Variants in RANBP2 observed in about 807,000 individuals in gnomAD.
RANBP2 encodes the protein E3 SUMO-protein ligase RanBP2.
A neutral mutation model predicts 303.6 loss-of-function variants in RANBP2; 57 were observed. That is an observed-to-expected ratio of 0.19 (90% confidence interval 0.15 to 0.23). The LOEUF is 0.23. RANBP2 is among the 10% of genes least tolerant of loss of function. The probability of loss-of-function intolerance (pLI) is 1.00; values close to 1 mark genes in which losing one functional copy is unlikely to be tolerated. For missense variants in RANBP2, 3,138 were observed against 3,780.8 expected, an observed-to-expected ratio of 0.83 and a Z score of 4.46; for synonymous variants, 1,167 against 1,301.5, an observed-to-expected ratio of 0.90 and a Z score of 2.23.
At chr2:109,328,181 A>G in the RANBP2 span, among the ~76,000 whole-genome samples, 3 of 152,364 alleles carry the variant, frequency 2.0e-5, no homozygotes, top group East Asian at 5.8e-4. Context: ...GTTGCCTGAT[A>G]TTAGTCCATG....
At chr2:109,629,302 GATATATATATATATAT>G in the RANBP2 span, among the ~76,000 whole-genome samples, 337 of 77,600 alleles carry the variant, frequency 4.3e-3, 13 homozygotes, top group Middle Eastern at 7.9e-3. Context: ...CTGGCCTAAA[GATATATATATATATAT>G]ATATATATAT....
the RANBP2 span, chr2:109,552,866 C>T: frequency 2.0e-6 from 1 of 491,546 alleles, no homozygotes; most frequent in Non-Finnish European, 3.5e-6. Flanking sequence ...CGATTAGTGA[C>T]TCCATAAATG....
the RANBP2 span, among the ~76,000 whole-genome samples, chr2:109,640,993 G>C: frequency 4.0e-5 from 6 of 151,644 alleles, no homozygotes; most frequent in Non-Finnish European, 5.9e-5. Flanking sequence ...AATTAAAGTG[G>C]GGACAAGATA....
chr2:109,009,522 T>C, the RANBP2 span, among the ~76,000 whole-genome samples: 364 of 151,774 alleles, frequency 2.4e-3, 3 homozygotes, highest in Non-Finnish European at 4.0e-3. Flanking sequence ...TTTGTTGCGT[T>C]TGTTTGTTTG....
At chr2:108,961,358 C>T in the RANBP2 span, among the ~76,000 whole-genome samples, 2 of 152,172 alleles carry the variant, frequency 1.3e-5, no homozygotes, top group African/African-American at 4.8e-5. Flanking sequence ...GACCTCCCCT[C>T]ACTCACTCAA....
the RANBP2 span, among the ~76,000 whole-genome samples, chr2:109,438,990 A>C: frequency 1.3e-3 from 199 of 152,312 alleles, no homozygotes; most frequent in African/African-American, 4.6e-3. Context: ...GTGAGTCAGC[A>C]TCCCAGTGCA....
chr2:108,802,137 TTAAAG>T, the RANBP2 span, among the ~76,000 whole-genome samples: 5 of 145,844 alleles, frequency 3.4e-5, no homozygotes, highest in Non-Finnish European at 7.5e-5. Context: ...CATATGAACT[TTAAAG>T]TAGGTTTTTC....
the RANBP2 span, among the ~76,000 whole-genome samples, chr2:108,996,320 G>A: frequency 1.3e-5 from 2 of 152,116 alleles, no homozygotes; most frequent in East Asian, 1.9e-4. Flanking sequence ...AGGGATGTAC[G>A]TTTAAGTCCA....
chr2:109,409,625 G>T, the RANBP2 span, among the ~76,000 whole-genome samples: 2 of 152,124 alleles, frequency 1.3e-5, no homozygotes, highest in East Asian at 3.9e-4. Context: ...GAAGTTATGT[G>T]GGCAGAAGGC....
chr2:109,505,677 TGA>T, the RANBP2 span, among the ~76,000 whole-genome samples: 1 of 152,174 alleles, frequency 6.6e-6, no homozygotes, highest in South Asian at 2.1e-4. Flanking sequence ...ATTTGCTACG[TGA>T]GCAATCAAGG....
chr2:109,096,964 A>C, the RANBP2 span, among the ~76,000 whole-genome samples: 19 of 152,014 alleles, frequency 1.2e-4, 1 homozygote, highest in Non-Finnish European at 2.6e-4. Flanking sequence ...GTCTCTAACC[A>C]ATCAGCACTC....
chr2:108,815,991 G>A, the RANBP2 span: 1 of 1,613,494 alleles, frequency 6.2e-7, no homozygotes. Flanking sequence ...TCATGGACTG[G>A]ATTTCGGATC....
the RANBP2 span, among the ~76,000 whole-genome samples, chr2:109,648,652 CT>C: frequency 9.8e-3 from 1,281 of 131,256 alleles, 23 homozygotes; most frequent in African/African-American, 0.032. Flanking sequence ...TGATTTACAT[CT>C]TTTTTTTTTT....
the RANBP2 span, chr2:109,449,082 A>T: frequency 8.9e-6 from 13 of 1,453,052 alleles, no homozygotes; most frequent in Admixed American, 4.1e-5. Flanking sequence ...TCGAGAAGGG[A>T]GCCTGAGTGT....
chr2:108,966,019 C>G, the RANBP2 span, among the ~76,000 whole-genome samples: 1 of 152,192 alleles, frequency 6.6e-6, no homozygotes, highest in Admixed American at 6.5e-5. Flanking sequence ...CCTTTTACAA[C>G]TGGGGCTGTT....
At chr2:109,524,803 A>G in the RANBP2 span, among the ~76,000 whole-genome samples, 9 of 152,134 alleles carry the variant, frequency 5.9e-5, no homozygotes, top group African/African-American at 1.9e-4. Context: ...AAGGCCTTCC[A>G]TTTTTAAATT....
chr2:109,288,235 C>T, the RANBP2 span, among the ~76,000 whole-genome samples: 23 of 152,220 alleles, frequency 1.5e-4, no homozygotes, highest in Admixed American at 5.9e-4. Flanking sequence ...GCCTCAAGAA[C>T]AAAGAAAGTT....
chr2:109,327,473 A>G, the RANBP2 span, among the ~76,000 whole-genome samples: 3 of 151,306 alleles, frequency 2.0e-5, no homozygotes, highest in Non-Finnish European at 4.4e-5. Flanking sequence ...TCTTCCACAT[A>G]CATTTTAAAT....
chr2:109,098,105 T>G, the RANBP2 span, among the ~76,000 whole-genome samples: 2 of 152,140 alleles, frequency 1.3e-5, no homozygotes, highest in Non-Finnish European at 2.9e-5. Flanking sequence ...TCCTCAGGAC[T>G]CTATCACAGT....
Sources: allele counts gnomAD v4.1 joint callset (sites outside exome capture counted in the v4.1 genomes callset), GRCh38; gene constraint gnomAD v4.1.1; transcripts MANE v1.5; gene names NCBI Gene and HGNC (gene_info 2026-07-23, HGNC 2026-07-21).